The following EIF3A variants were observed in gnomAD, a reference collection of about 807,000 sequenced individuals.
EIF3A encodes eukaryotic translation initiation factor 3 subunit A.
EIF3A carries 21 observed loss-of-function variants against 186.6 expected under a neutral mutation model. The observed-to-expected ratio is 0.11, with a 90% CI of 0.08 to 0.16. The LOEUF is 0.16. Among genes scored for constraint, EIF3A ranks in the 10% least tolerant of loss-of-function variants. EIF3A has a pLI of 1.00. For synonymous variants in EIF3A, 563 were observed against 584.3 expected, an observed-to-expected ratio of 0.96 and a Z score of 0.52; for missense variants, 1,306 against 1,796.3, an observed-to-expected ratio of 0.73 and a Z score of 4.93.
chr10:119,073,974 A>G, intron 1 of EIF3A, 37 bp from the exon 2 acceptor site: 1 of 1,512,758 alleles, frequency 6.6e-7, no homozygotes. Flanking sequence ...AGTTATGTAC[A>G]CTATACAAGA....
intron 9 of EIF3A, 61 bp from the exon 10 acceptor site, chr10:119,059,779 C>T: frequency 1.9e-6 from 2 of 1,043,060 alleles, no homozygotes; most frequent in Non-Finnish European, 3.0e-6. Context: ...TTTTTATGTG[C>T]AATCTCATGA....
intron 17 of EIF3A, among the ~76,000 whole-genome samples, chr10:119,044,570 C>T (rs1384766105): frequency 1.3e-5 from 2 of 152,222 alleles, no homozygotes; most frequent in Non-Finnish European, 2.9e-5. Context: ...TCTGATGGGC[C>T]GGGCGCGGTG....
intron 14 of EIF3A, among the ~76,000 whole-genome samples, chr10:119,054,616 T>C (rs1446624562): frequency 6.6e-6 from 1 of 150,852 alleles, no homozygotes; most frequent in Admixed American, 6.6e-5. Flanking sequence ...TAATCTCAGC[T>C]ACTCGGGAGG....
chr10:119,061,624 C>T (rs756548085), intron 7 of EIF3A, among the ~76,000 whole-genome samples: 10 of 151,966 alleles, frequency 6.6e-5, no homozygotes, highest in Non-Finnish European at 1.3e-4. Context: ...CTACTGTGGC[C>T]AATAGAATAT....
In EIF3A at chr10:119,050,656, C is replaced by T; in HGVS notation, c.2338G>A (p.Glu780Lys). ...SVYEEKLKQF[E>K]ERLAEERHNR... Reference sequence around the variant, plus strand: ...TGCCTTTCTTCTGCTAATCGCTCTTCAAACTGTTTAAGTTTTTCCTGCAAT... The same window carrying T: ...TGCCTTTCTTCTGCTAATCGCTCTTTAAACTGTTTAAGTTTTTCCTGCAAT... The change falls in exon 16 of 22, where the codon GAA becomes AAA. Residue 780 changes from glutamate to lysine, a missense_variant. Physicochemically the swap from Glu to Lys is moderately conservative, Grantham distance 56. Transcript: ENST00000369144. 6.2e-7 allele frequency: 1 copy of T among 1,614,050 alleles called. No individual in the cohort carries two copies. The highest frequency in any genetic ancestry group is 8.5e-7 in the Non-Finnish European group (1 of 1,180,022).
chr10:119,080,248 T>A (rs898032926), intron 1 of EIF3A: 1 of 927,578 alleles, frequency 1.1e-6, no homozygotes, highest in African/African-American at 1.8e-5. Context: ...CACTCCCAGA[T>A]GGCGGCCGGG....
chr10:119,074,087 T>C, intron 1 of EIF3A, 150 bp from the exon 2 acceptor site: 1 of 634,862 alleles, frequency 1.6e-6, no homozygotes, highest in Non-Finnish European at 2.5e-6. Context: ...ATGCCATAAT[T>C]ATCAAAAGTA....
chr10:119,051,120 C>T (rs1848350104), intron 15 of EIF3A, 79 bp downstream of exon 15: 2 of 1,268,182 alleles, frequency 1.6e-6, no homozygotes, highest in Non-Finnish European at 2.2e-6. Context: ...AAAGAATATA[C>T]CAATTTGTTA....
At chr10:119,058,982 T>C (rs1843836874) in intron 11 of EIF3A, among the ~76,000 whole-genome samples, 2 of 152,248 alleles carry the variant, frequency 1.3e-5, no homozygotes, top group Non-Finnish European at 2.9e-5. Flanking sequence ...TTCTGTAACA[T>C]AATCCACCCT....
chr10:119,079,148 TAA>T (rs1409604452), intron 1 of EIF3A, among the ~76,000 whole-genome samples: 2 of 152,222 alleles, frequency 1.3e-5, no homozygotes, highest in East Asian at 3.8e-4. Context: ...GATGTATTAA[TAA>T]ACATCCTAAA....
chr10:119,037,042 A>G, intron 21 of EIF3A, 77 bp downstream of exon 21: 1 of 890,676 alleles, frequency 1.1e-6, no homozygotes, highest in Non-Finnish European at 1.7e-6. Context: ...AATTTATGAT[A>G]TAATTAAATA....
chr10:119,056,365 T>C (rs1206342000), intron 14 of EIF3A, among the ~76,000 whole-genome samples: 1 of 152,196 alleles, frequency 6.6e-6, no homozygotes, highest in Non-Finnish European at 1.5e-5. Context: ...AGAATAGGGA[T>C]GACTACTGCT....
chr10:119,057,101 C>G, intron 12 of EIF3A, 61 bp from the exon 13 acceptor site: 1 of 913,724 alleles, frequency 1.1e-6, no homozygotes. Flanking sequence ...CCTAACATAA[C>G]TCACTGCTTT....
chr10:119,071,601 T>C (rs891849858), intron 4 of EIF3A, among the ~76,000 whole-genome samples: 1 of 152,250 alleles, frequency 6.6e-6, no homozygotes, highest in Non-Finnish European at 1.5e-5. Flanking sequence ...ACTATTAGAT[T>C]ATTTTTTAGA....
chr10:119,058,405 G>A (rs1843826978), intron 11 of EIF3A, 102 bp from the exon 12 acceptor site: 2 of 784,696 alleles, frequency 2.5e-6, no homozygotes, highest in Admixed American at 2.8e-5. Context: ...GCCTTTCTAT[G>A]TATCTGCATT....
rs1848145870 is a variant in EIF3A at position 119,037,298 on chromosome 10, C to A, written c.3740G>T (p.Gly1247Val). 6.2e-7 allele frequency: 1 copy of A among 1,614,084 alleles called. No individual in the cohort carries two copies. Among genetic ancestry groups the A allele is most frequent in the East Asian group, 2.2e-5 (1 of 44,888 alleles). Residue 1247 changes from glycine to valine, a missense_variant, in exon 21 of 22, where the codon GGC (glycine) becomes GTC (valine). By Grantham distance (109) the Gly-to-Val change is moderately radical. Around this residue, in one of 8 missense-constraint regions of EIF3A, gnomAD observed 331 missense variants for 365.8 expected, o/e 0.90. Coordinates refer to ENST00000369144, the MANE Select transcript of EIF3A (RefSeq NM_003750.4). ...TTCCTCAGCTGGTCCTCTTCTCCAG[C>A]CACCTTCATCCCTGTAGCCATTTAC... ...DRFRRPRDEG[G>V]WRRGPAEESS... is the part of the protein sequence containing the mutation.
At position 119,058,091 on chromosome 10, in the gene EIF3A, C is replaced by G. The variant is rs1843818218; in HGVS notation, c.1842G>C (p.Gln614His). ...VRKAEEERLR[Q>H]EAKEREKERI... ...GCTCCTTCTCTCTCTCCTTTGCTTC[C>G]TGGCGCAGCCTCTCTTCCTCAGCCT... Residue 614 changes from glutamine to histidine, a missense_variant, in exon 12 of 22, where the codon CAG (glutamine) becomes CAC (histidine). Coordinates refer to ENST00000369144, the MANE Select transcript of EIF3A (RefSeq NM_003750.4). The G allele has an allele frequency of 6.2e-7, 1 of 1,614,196 alleles. No homozygotes were observed. The highest frequency in any genetic ancestry group is 1.3e-5 in the African/African-American group (1 of 75,060).
Position 119,080,522 on chromosome 10 carries a change from T to A in EIF3A, c.49+106A>T, listed in dbSNP as rs1844247680. On this transcript the variant is annotated intron_variant, in intron 1 of 21. Coordinates refer to ENST00000369144, the MANE Select transcript of EIF3A (RefSeq NM_003750.4). ...CGGCGGGCAGGCCGCATCGGTCTCCTCTCCCCGCGCGGGCCGGGCGGCGGA... is the reference window on the plus strand; with the variant it reads ...CGGCGGGCAGGCCGCATCGGTCTCCACTCCCCGCGCGGGCCGGGCGGCGGA... 1.4e-5 allele frequency: 20 copies of A among 1,435,190 alleles called. No individual in the cohort carries two copies. The South Asian group carries it at 2.8e-4, about 20-fold the overall frequency. 88.9% of individuals were successfully genotyped at this position (1,435,190 alleles called of 1,614,324 possible).
chr10:119,040,900 G>A (rs183217853), intron 19 of EIF3A, among the ~76,000 whole-genome samples: 2 of 151,838 alleles, frequency 1.3e-5, no homozygotes, highest in East Asian at 3.9e-4. Flanking sequence ...CAGCTACTCA[G>A]GAGGCTGAGG....
Sources: allele counts gnomAD v4.1 joint callset (sites outside exome capture counted in the v4.1 genomes callset), GRCh38; gene constraint gnomAD v4.1.1; regional missense constraint gnomAD v4.1.1; transcripts MANE v1.5; gene names NCBI Gene and HGNC (gene_info 2026-07-23, HGNC 2026-07-21).